The following CACNA1H variants were observed in gnomAD, a reference collection of about 807,000 sequenced individuals.
CACNA1H encodes the protein voltage-dependent T-type calcium channel subunit alpha-1H.
Under a neutral mutation model 192.5 loss-of-function variants are expected in CACNA1H, and 149 were observed. The observed-to-expected ratio is 0.77, with a 90% CI of 0.68 to 0.89. The LOEUF (loss-of-function observed/expected upper bound fraction) is 0.89. Ranked by LOEUF, CACNA1H falls within the 40% of genes least tolerant of loss-of-function variation. CACNA1H has a pLI of 0.00. For missense variants in CACNA1H, 4,257 were observed against 3,423.5 expected (o/e 1.24, Z -6.08); for synonymous variants, 2,202 against 1,475.2 (o/e 1.49, Z -11.29).
At chr16:1,194,511 G>C (rs887644681) in intron 2 of CACNA1H, among the ~76,000 whole-genome samples, 2 of 152,164 alleles carry the variant, frequency 1.3e-5, no homozygotes, top group African/African-American at 4.8e-5. Flanking sequence ...CCGGTGGGTT[G>C]CATGGCGGTG....
intron 2 of CACNA1H, among the ~76,000 whole-genome samples, chr16:1,158,585 C>G (rs948909715): frequency 1.3e-5 from 2 of 152,218 alleles, no homozygotes; most frequent in Non-Finnish European, 2.9e-5. Flanking sequence ...TGAGCTCACC[C>G]TCCGGGTCGG....
intron 5 of CACNA1H, among the ~76,000 whole-genome samples, chr16:1,198,179 G>A (rs112506835): frequency 1.3e-5 from 2 of 152,240 alleles, no homozygotes; most frequent in South Asian, 2.1e-4. Context: ...TCAGGGTGTC[G>A]CCAGACAAGC....
intron 5 of CACNA1H, 81 bp from the exon 6 acceptor site, chr16:1,198,534 C>T (rs767061962): frequency 4.1e-5 from 62 of 1,505,886 alleles, no homozygotes; most frequent in Non-Finnish European, 2.9e-5. Flanking sequence ...GGACGGGGCT[C>T]GGGGGTCCCG....
intron 2 of CACNA1H, among the ~76,000 whole-genome samples, chr16:1,189,362 C>T (rs1191809249): frequency 3.1e-5 from 4 of 127,988 alleles, no homozygotes; most frequent in Non-Finnish European, 4.8e-5. Context: ...GGTGGCCAGG[C>T]TGTGCTGGAC....
At chr16:1,204,854 T>C (rs1390125035) in intron 10 of CACNA1H, among the ~76,000 whole-genome samples, 1 of 41,996 alleles carries the variant, frequency 2.4e-5, no homozygotes, top group Non-Finnish European at 4.5e-5. Context: ...CGGGGAGGGG[T>C]GGGAGCCGCG....
chr16:1,194,614 C>T (rs549429055), intron 2 of CACNA1H, among the ~76,000 whole-genome samples: 1 of 152,336 alleles, frequency 6.6e-6, no homozygotes, highest in East Asian at 1.9e-4. Flanking sequence ...AACCTGGGCC[C>T]CATGTGGGCA....
intron 32 of CACNA1H, 35 bp downstream of exon 32, chr16:1,218,075 G>A (rs770322428): frequency 3.8e-6 from 6 of 1,584,686 alleles, no homozygotes; most frequent in South Asian, 1.1e-5. Context: ...GCACCTGGCA[G>A]CCCCAGCGGT....
intron 2 of CACNA1H, among the ~76,000 whole-genome samples, chr16:1,162,518 C>T (rs1328212088): frequency 6.6e-6 from 1 of 152,160 alleles, no homozygotes; most frequent in East Asian, 1.9e-4. Context: ...AGAGAGAGGA[C>T]GCTTAGCCGT....
chr16:1,182,615 C>T (rs1228471551), intron 2 of CACNA1H, among the ~76,000 whole-genome samples: 3 of 152,108 alleles, frequency 2.0e-5, no homozygotes, highest in Non-Finnish European at 4.4e-5. Flanking sequence ...CTGGCCAGGC[C>T]CCTGGGGAGA....
rs535299188 is a variant in CACNA1H at position 1,210,903 on chromosome 16, G to A, written c.4155G>A (p.Ser1385=). ...SLVDIVVAMA[S]AGGAKILGVL... is the part of the protein sequence containing the mutation. ...TGGACATTGTCGTGGCCATGGCCTC[G>A]GCTGGTGGCGCCAAGATCCTGGGTG... The change falls in exon 21 of 35, where the codon TCG becomes TCA. Residue 1385 remains serine (S), a synonymous_variant. Transcript: ENST00000348261. 3.5e-5 allele frequency: 56 copies of A among 1,604,210 alleles called. No individual in the cohort carries two copies. The highest frequency in any genetic ancestry group is 4.2e-5 in the Non-Finnish European group (49 of 1,179,724).
rs1481524583 is a variant in CACNA1H at position 1,202,057 on chromosome 16, C to T, written c.1607C>T (p.Pro536Leu). 3.9e-6 allele frequency: 6 copies of T among 1,538,476 alleles called. No homozygotes were observed. Among genetic ancestry groups the T allele is most frequent in the East Asian group, 4.9e-5 (2 of 40,780 alleles). Reference protein sequence around the residue: ...HHHYHFSHGSPRRPGPEPGAC... With the variant: ...HHHYHFSHGSLRRPGPEPGAC... ...CACTACCATTTCAGCCATGGCAGCC[C>T]CCGCAGGCCCGGCCCCGAGCCAGGC... Residue 536 changes from proline (P) to leucine (L), a missense_variant, in exon 9 of 35, where the codon CCC becomes CTC. Pro to Leu is a moderately conservative substitution (Grantham distance 98). Transcript: ENST00000348261.
At chr16:1,212,208 T>C in intron 25 of CACNA1H, 70 bp downstream of exon 25, 1 of 1,514,336 alleles carries the variant, frequency 6.6e-7, no homozygotes, top group Non-Finnish European at 8.8e-7. Context: ...CTCCAGCCCC[T>C]CCACTCCCGC....
At chr16:1,184,287 T>G (rs994208266) in intron 2 of CACNA1H, among the ~76,000 whole-genome samples, 1 of 152,248 alleles carries the variant, frequency 6.6e-6, no homozygotes, top group South Asian at 2.1e-4. Flanking sequence ...CCTTGAAAGC[T>G]TTGGGCCTTA....
chr16:1,202,804 T>A (rs1048303174), intron 9 of CACNA1H, among the ~76,000 whole-genome samples: 1 of 152,050 alleles, frequency 6.6e-6, no homozygotes, highest in Non-Finnish European at 1.5e-5. Flanking sequence ...CCTGGACGCT[T>A]CCCTGGAGGA....
intron 2 of CACNA1H, among the ~76,000 whole-genome samples, chr16:1,188,837 C>CTGG (rs566773797): frequency 7.9e-5 from 12 of 152,342 alleles, no homozygotes; most frequent in African/African-American, 2.6e-4. Flanking sequence ...CCTCCCAGCC[C>CTGG]TGGTACATCC....
intron 9 of CACNA1H, among the ~76,000 whole-genome samples, chr16:1,203,556 C>T (rs1439908061): frequency 6.6e-6 from 1 of 152,098 alleles, no homozygotes; most frequent in East Asian, 1.9e-4. Context: ...GCTGCTGTAC[C>T]CACGAACTAG....
chr16:1,190,078 G>T (rs923915323), intron 2 of CACNA1H, among the ~76,000 whole-genome samples: 5 of 152,190 alleles, frequency 3.3e-5, no homozygotes, highest in African/African-American at 1.2e-4. Flanking sequence ...GGGCCTCAGG[G>T]TCTGGTGGAG....
At chr16:1,203,563 C>A (rs1968264463) in intron 9 of CACNA1H, among the ~76,000 whole-genome samples, 1 of 152,136 alleles carries the variant, frequency 6.6e-6, no homozygotes, top group Admixed American at 6.5e-5. Flanking sequence ...TACCCACGAA[C>A]TAGTGGGTTT....
At chr16:1,215,500 T>G in intron 29 of CACNA1H, 23 bp from the exon 30 acceptor site, 1 of 1,608,676 alleles carries the variant, frequency 6.2e-7, no homozygotes, top group South Asian at 1.1e-5. Flanking sequence ...CCAGCCCTGC[T>G]GACGCTCAGC....
Sources: gnomAD v4.1 joint callset for allele counts (sites outside exome capture counted in the v4.1 genomes callset) on GRCh38, gnomAD v4.1.1 for gene constraint, MANE v1.5 for transcripts, NCBI Gene and HGNC (gene_info 2026-07-23, HGNC 2026-07-21) for gene names.